The following CD109 variants were observed in gnomAD, a reference collection of about 807,000 sequenced individuals.
The protein encoded by CD109 is CD109 antigen.
A neutral mutation model predicts 165.8 loss-of-function variants in CD109; 149 were observed. The observed-to-expected ratio is 0.90, with a 90% CI of 0.79 to 1.03. The LOEUF (loss-of-function observed/expected upper bound fraction) is 1.03, where lower values mean the gene tolerates loss of function less well. CD109 is among the 50% of genes least tolerant of loss of function. CD109 has a pLI of 0.00. For synonymous variants in CD109, 585 were observed against 592.1 expected (o/e 0.99, Z 0.18); for missense variants, 1,712 against 1,677.8 (o/e 1.02, Z -0.36).
intron 2 of CD109, among the ~76,000 whole-genome samples, chr6:73,722,967 G>A (rs1005188262): frequency 2.0e-5 from 3 of 152,204 alleles, no homozygotes; most frequent in Admixed American, 1.3e-4. Flanking sequence ...AAGGGCAGCA[G>A]CAACAACGAC....
At chr6:73,800,846 TA>T (rs1449723243) in intron 23 of CD109, among the ~76,000 whole-genome samples, 8 of 152,166 alleles carry the variant, frequency 5.3e-5, no homozygotes, top group Non-Finnish European at 1.2e-4. Context: ...TAAACATACA[TA>T]AAAATTACAT....
At chr6:73,739,512 A>G (rs1772678219) in intron 5 of CD109, among the ~76,000 whole-genome samples, 2 of 152,184 alleles carry the variant, frequency 1.3e-5, no homozygotes, top group South Asian at 4.1e-4. Flanking sequence ...GGTGGCAGTC[A>G]CCATTCTCAA....
intron 11 of CD109, 147 bp downstream of exon 11, chr6:73,766,301 T>A: frequency 1.5e-6 from 1 of 680,742 alleles, no homozygotes; most frequent in Non-Finnish European, 2.5e-6. Flanking sequence ...GTGGTAAAAG[T>A]AATTTAATGA....
chr6:73,768,407 TGTG>T (rs1457160442), intron 14 of CD109, among the ~76,000 whole-genome samples, 176 bp downstream of exon 14: 3 of 152,346 alleles, frequency 2.0e-5, no homozygotes, highest in African/African-American at 7.2e-5. Context: ...TATTTTCACT[TGTG>T]GAGTTATTGG....
intron 2 of CD109, among the ~76,000 whole-genome samples, chr6:73,697,824 G>C (rs1345446831): frequency 6.6e-6 from 1 of 152,190 alleles, no homozygotes; most frequent in African/African-American, 2.4e-5. Flanking sequence ...TGCAGGGGAA[G>C]ATCATGGAGT....
At chr6:73,815,218 A>G (rs1329070524) in intron 30 of CD109, 95 bp downstream of exon 30, 2 of 1,026,680 alleles carry the variant, frequency 1.9e-6, no homozygotes, top group East Asian at 3.0e-5. Flanking sequence ...TCTAAGAGTT[A>G]TATTGAACAA....
chr6:73,723,900 T>TA (rs1002924257), intron 3 of CD109, among the ~76,000 whole-genome samples: 30 of 150,966 alleles, frequency 2.0e-4, no homozygotes, highest in East Asian at 7.8e-4. Context: ...AAATAAAAGT[T>TA]AAAAAAAAAC....
At chr6:73,740,631 C>T (rs567548342) in intron 5 of CD109, among the ~76,000 whole-genome samples, 10 of 146,714 alleles carry the variant, frequency 6.8e-5, no homozygotes, top group African/African-American at 2.3e-4. Flanking sequence ...GACAGAGTCT[C>T]GCTCTTTTGC....
chr6:73,748,838 T>C (rs963092756), intron 5 of CD109, among the ~76,000 whole-genome samples: 1 of 152,186 alleles, frequency 6.6e-6, no homozygotes, highest in Non-Finnish European at 1.5e-5. Flanking sequence ...TTAATAAACA[T>C]TTTCTCTCAT....
Position 73,762,866 on chromosome 6 carries a change from G to T in CD109, c.981G>T (p.Val327=). The T allele has an allele frequency of 6.2e-7, 1 of 1,610,968 alleles. No individual in the cohort carries two copies. The highest frequency in any genetic ancestry group is 1.1e-5 in the South Asian group (1 of 90,190). ...SPGPVEILTT[V]TESVTGISRN... ...GACCAGTAGAAATTTTAACCACAGT[G>T]ACAGAATCAGTTACAGGTTTGTAGA... Residue 327 remains valine (V), a synonymous_variant, in exon 9 of 33, where the codon GTG becomes GTT. Coordinates refer to ENST00000287097, the MANE Select transcript of CD109 (RefSeq NM_133493.5).
intron 5 of CD109, among the ~76,000 whole-genome samples, chr6:73,748,075 G>A (rs545613977): frequency 7.2e-5 from 11 of 151,990 alleles, no homozygotes; most frequent in Non-Finnish European, 1.2e-4. Context: ...TCACCATGTT[G>A]CCCAGGCTGG....
intron 15 of CD109, among the ~76,000 whole-genome samples, chr6:73,779,931 T>C (rs1336271309): frequency 6.6e-6 from 1 of 152,208 alleles, no homozygotes; most frequent in Non-Finnish European, 1.5e-5. Flanking sequence ...ATGTTGTCAT[T>C]TGCATTGCTT....
chr6:73,755,500 C>A (rs1263854968), intron 5 of CD109, among the ~76,000 whole-genome samples: 2 of 152,038 alleles, frequency 1.3e-5, no homozygotes, highest in Non-Finnish European at 2.9e-5. Flanking sequence ...TTAGATTAAC[C>A]AAGGGTACTT....
At chr6:73,766,726 G>T in intron 11 of CD109, 33 bp from the exon 12 acceptor site, 1 of 1,471,330 alleles carries the variant, frequency 6.8e-7, no homozygotes, top group Middle Eastern at 1.9e-4. Context: ...TACTAAAGAT[G>T]AACATTTACA....
At chr6:73,683,986 G>A in the CD109 span, among the ~76,000 whole-genome samples, 1 of 152,140 alleles carries the variant, frequency 6.6e-6, no homozygotes, top group African/African-American at 2.4e-5. Context: ...TTTGGGTGGG[G>A]ACACAGCCAA....
At chr6:73,796,645 C>T (rs925165813) in intron 23 of CD109, among the ~76,000 whole-genome samples, 4 of 152,106 alleles carry the variant, frequency 2.6e-5, no homozygotes, top group African/African-American at 2.4e-5. Flanking sequence ...CCAGAATGGG[C>T]GAATAACTTA....
Position 73,770,631 on chromosome 6 carries a change from C to T in CD109, c.1675-798C>T, listed in dbSNP as rs62438668. ...GGCATGGTGGTGGGCGCCTGTAATC[C>T]CAGCTACTTGGGAGGCTGAGGCAGG... On this transcript the variant is annotated intron_variant, in intron 14 of 32. Coordinates refer to ENST00000287097, the MANE Select transcript of CD109 (RefSeq NM_133493.5). 8.0e-3 allele frequency among the ~76,000 whole-genome samples: 1,213 copies of T among 152,166 alleles called. 7 individuals are homozygous for T. Among genetic ancestry groups the T allele is most frequent in the Middle Eastern group, 0.024 (7 of 294 alleles).
At chr6:73,716,300 T>G (rs1771742705) in intron 2 of CD109, among the ~76,000 whole-genome samples, 1 of 152,200 alleles carries the variant, frequency 6.6e-6, no homozygotes, top group Non-Finnish European at 1.5e-5. Context: ...TACTCAGCAG[T>G]GGGATTGCTA....
In CD109 at chr6:73,780,432, T is replaced by C; in HGVS notation, c.1836T>C (p.His612=). The stretch of plus-strand genomic sequence containing the variant: ...TTTTATCTTCTCCTTAGGTGGTCCA[T>C]GAGTTGGAACTTTATAACACAGGAT... ...SNDITMENVV[H]ELELYNTGYY... Residue 612 remains histidine, a synonymous_variant, in exon 16 of 33, where the codon CAT becomes CAC. Transcript: ENST00000287097. The C allele has an allele frequency of 6.3e-7, 1 of 1,596,618 alleles. No individual in the cohort carries two copies. Among genetic ancestry groups the C allele is most frequent in the Non-Finnish European group, 8.6e-7 (1 of 1,164,860 alleles).
Sources: gnomAD v4.1 joint callset for allele counts (sites outside exome capture counted in the v4.1 genomes callset) on GRCh38, gnomAD v4.1.1 for gene constraint, MANE v1.5 for transcripts, NCBI Gene and HGNC (gene_info 2026-07-23, HGNC 2026-07-21) for gene names.